Variants in LRMDA observed in about 807,000 individuals in gnomAD.
LRMDA encodes the protein leucine-rich melanocyte differentiation-associated protein.
Under a neutral mutation model 29.8 loss-of-function variants are expected in LRMDA, and 18 were observed. The ratio of observed to expected loss-of-function variants is 0.60; its 90% CI spans 0.42 to 0.90. The LOEUF (loss-of-function observed/expected upper bound fraction) is 0.90. Among genes scored for constraint, LRMDA ranks in the 40% least tolerant of loss-of-function variants. LRMDA has a pLI of 0.00. For missense variants in LRMDA, 273 were observed against 273.9 expected (o/e 1.00, Z 0.02); for synonymous variants, 125 against 109.4 (o/e 1.14, Z -0.89).
At chr10:76,322,224 A>G (rs974304670) in intron 5 of LRMDA, among the ~76,000 whole-genome samples, 1 of 152,166 alleles carries the variant, frequency 6.6e-6, no homozygotes, top group Non-Finnish European at 1.5e-5. Context: ...TGTCTTTCTG[A>G]ATTGTACATC....
At chr10:76,101,933 A>C (rs1849401070) in intron 5 of LRMDA, among the ~76,000 whole-genome samples, 1 of 152,194 alleles carries the variant, frequency 6.6e-6, no homozygotes, top group Admixed American at 6.5e-5. Flanking sequence ...GGGGAATAAC[A>C]ATCTGCATTT....
intron 5 of LRMDA, among the ~76,000 whole-genome samples, chr10:76,308,544 G>A (rs1840589003): frequency 6.6e-6 from 1 of 152,060 alleles, no homozygotes; most frequent in Admixed American, 6.6e-5. Context: ...GATTCCAGTA[G>A]AACCAGCCAA....
intron 2 of LRMDA, among the ~76,000 whole-genome samples, chr10:75,449,647 C>A (rs2132030222): frequency 6.6e-6 from 1 of 151,894 alleles, no homozygotes; most frequent in African/African-American, 2.4e-5. Context: ...TATAGCATTT[C>A]CTGCTCTCTC....
At chr10:76,080,860 G>A (rs575672318) in intron 5 of LRMDA, among the ~76,000 whole-genome samples, 11 of 152,186 alleles carry the variant, frequency 7.2e-5, no homozygotes, top group East Asian at 1.9e-4. Flanking sequence ...TGTCTCTTCC[G>A]ACGGCCTGTG....
At chr10:75,710,604 T>TC (rs1437999178) in intron 2 of LRMDA, among the ~76,000 whole-genome samples, 1 of 152,144 alleles carries the variant, frequency 6.6e-6, no homozygotes, top group Non-Finnish European at 1.5e-5. Flanking sequence ...GCTGCCTTTT[T>TC]CCCCCCGCTT....
Position 75,449,863 on chromosome 10 carries a change from C to T in LRMDA, c.131+11369C>T, listed in dbSNP as rs74147488. On this transcript the variant is annotated intron_variant, in intron 2 of 6. Coordinates refer to ENST00000611255, the MANE Select transcript of LRMDA (RefSeq NM_001305581.2). ...TGGTGCCAGCCTTGGGACTGGGGGA[C>T]CTTGAGATGGACAACTGCATGCTTG... Among the ~76,000 whole-genome samples the T allele has an allele frequency of 2.6e-3, 395 of 152,132 alleles. 3 individuals carry two copies. Among genetic ancestry groups the T allele is most frequent in the African/African-American group, 9.0e-3 (372 of 41,500 alleles).
At chr10:75,578,088 A>G (rs1840531280) in intron 2 of LRMDA, among the ~76,000 whole-genome samples, 8 of 152,002 alleles carry the variant, frequency 5.3e-5, no homozygotes. Flanking sequence ...AAAGACACAG[A>G]CTGGCAACCT....
intron 6 of LRMDA, among the ~76,000 whole-genome samples, chr10:76,481,044 T>TA (rs1243036892): frequency 6.6e-6 from 1 of 151,904 alleles, no homozygotes; most frequent in African/African-American, 2.4e-5. Flanking sequence ...CACTTATTTG[T>TA]AGCTTATTGA....
chr10:76,156,740 T>C (rs1850544664), intron 5 of LRMDA, among the ~76,000 whole-genome samples: 1 of 152,164 alleles, frequency 6.6e-6, no homozygotes, highest in Non-Finnish European at 1.5e-5. Context: ...TCATGATAGC[T>C]CAAGATGACA....
intron 2 of LRMDA, among the ~76,000 whole-genome samples, chr10:76,028,945 T>TCCCTC (rs1848106593): frequency 6.6e-6 from 1 of 151,610 alleles, no homozygotes; most frequent in Non-Finnish European, 1.5e-5. Context: ...GCCTCCCGAG[T>TCCCTC]AGCTGGGACT....
At chr10:75,927,916 T>C (rs77681249) in intron 2 of LRMDA, among the ~76,000 whole-genome samples, 3,208 of 152,274 alleles carry the variant, frequency 0.021, 66 homozygotes, top group Non-Finnish European at 0.034. Flanking sequence ...AGTGTCCTCA[T>C]TGGTGGAACA....
intron 5 of LRMDA, among the ~76,000 whole-genome samples, chr10:76,233,519 A>G (rs960392449): frequency 1.3e-5 from 2 of 152,162 alleles, no homozygotes; most frequent in African/African-American, 4.8e-5. Context: ...GACTCACGAA[A>G]GATTTCTCTG....
At chr10:75,676,429 G>T (rs755147578) in intron 2 of LRMDA, among the ~76,000 whole-genome samples, 1 of 152,136 alleles carries the variant, frequency 6.6e-6, no homozygotes, top group African/African-American at 2.4e-5. Flanking sequence ...TCATCTCCAG[G>T]TTGCATCTGA....
chr10:76,093,226 C>T (rs4746361), intron 5 of LRMDA, among the ~76,000 whole-genome samples: 53,631 of 151,518 alleles, frequency 0.35, 10,616 homozygotes, highest in Non-Finnish European at 0.44. Flanking sequence ...TTAGTAGAGA[C>T]GGGGTTTCAC....
chr10:75,692,216 AAAAATATATATAT>A (rs1351889789), intron 2 of LRMDA, among the ~76,000 whole-genome samples: 18 of 55,172 alleles, frequency 3.3e-4, no homozygotes, highest in Non-Finnish European at 4.3e-4. Context: ...GGGAAAAAAA[AAAAATATATATAT>A]ATATATATAT....
intron 6 of LRMDA, among the ~76,000 whole-genome samples, chr10:76,399,161 C>A (rs114043089): frequency 0.03 from 4,566 of 152,182 alleles, 64 homozygotes; most frequent in African/African-American, 0.048. Context: ...GGTTTAATTT[C>A]TAATAAAGTT....
intron 2 of LRMDA, among the ~76,000 whole-genome samples, chr10:75,524,618 T>C (rs1397734442): frequency 7.9e-5 from 12 of 152,200 alleles, no homozygotes; most frequent in Non-Finnish European, 1.6e-4. Flanking sequence ...CTAATGGAGT[T>C]CTCTGTGTAT....
intron 2 of LRMDA, among the ~76,000 whole-genome samples, chr10:75,526,035 A>G (rs2132039947): frequency 6.6e-6 from 1 of 151,256 alleles, no homozygotes; most frequent in South Asian, 2.1e-4. Flanking sequence ...TTGACTTTAT[A>G]TATTATTATT....
chr10:76,414,207 C>T (rs145447671), intron 6 of LRMDA, among the ~76,000 whole-genome samples: 2 of 152,258 alleles, frequency 1.3e-5, no homozygotes, highest in African/African-American at 4.8e-5. Context: ...AGTGTTATAT[C>T]TAAGAACTTT....
Sources: gnomAD v4.1 joint callset for allele counts (sites outside exome capture counted in the v4.1 genomes callset) on GRCh38, gnomAD v4.1.1 for gene constraint, MANE v1.5 for transcripts, NCBI Gene and HGNC (gene_info 2026-07-23, HGNC 2026-07-21) for gene names.